Variants in PIBF1 observed in about 807,000 individuals in gnomAD.
PIBF1 encodes the protein progesterone-induced-blocking factor 1.
PIBF1 carries 90 observed loss-of-function variants against 112.5 expected under a neutral mutation model. That is an observed-to-expected ratio of 0.80 (90% CI 0.67 to 0.95). The LOEUF is 0.95. PIBF1 is among the 40% of genes least tolerant of loss of function. The probability of loss-of-function intolerance (pLI) is 0.00; values close to 1 mark genes in which losing one functional copy is unlikely to be tolerated. For synonymous variants in PIBF1, 301 were observed against 288.6 expected (o/e 1.04, Z -0.44); for missense variants, 915 against 852.3 (o/e 1.07, Z -0.92).
intron 9 of PIBF1, among the ~76,000 whole-genome samples, chr13:72,848,827 G>A (rs9564926): frequency 0.28 from 41,204 of 146,208 alleles, 6,738 homozygotes; most frequent in East Asian, 0.47. Context: ...GTGAGACTCC[G>A]TCTCAAAAAA....
rs71099767 is a variant in PIBF1, at chr13:72,904,433, CTTTTTTT to C, written c.1489-4079_1489-4073del. Among the ~76,000 whole-genome samples the C allele has an allele frequency of 8.7e-3, 317 of 36,560 alleles. 5 individuals carry two copies. Among genetic ancestry groups the C allele is most frequent in the African/African-American group, 0.033 (291 of 8,924 alleles). The allele number at this position is 36,560 out of a possible 152,430, so 24.0% of individuals were successfully genotyped here. On this transcript the variant is annotated intron_variant, in intron 11 of 17. Coordinates refer to ENST00000326291, the MANE Select transcript of PIBF1 (RefSeq NM_006346.4). ...ATTTATCCAAAATATCAAAATATTT[CTTTTTTT>C]TTTTTTTTTTTTTTTTTTGAGGAGG...
intron 11 of PIBF1, among the ~76,000 whole-genome samples, chr13:72,902,006 A>ATGTGTGTATGTGTGTGTGTGTG (rs2040507890): frequency 6.8e-6 from 1 of 147,826 alleles, no homozygotes; most frequent in African/African-American, 2.5e-5. Flanking sequence ...GTGTATGTAT[A>ATGTGTGTATGTGTGTGTGTGTG]TGTGTGTGTG....
chr13:73,013,749 A>AG (rs1417338449), intron 17 of PIBF1, among the ~76,000 whole-genome samples: 15 of 128,548 alleles, frequency 1.2e-4, no homozygotes, highest in South Asian at 9.1e-4. Flanking sequence ...AAAAAAAAAA[A>AG]AAAAGAAAAA....
intron 10 of PIBF1, among the ~76,000 whole-genome samples, chr13:72,855,655 A>C (rs890043286): frequency 6.6e-6 from 1 of 152,112 alleles, no homozygotes; most frequent in African/African-American, 2.4e-5. Context: ...TCTCAAAAAA[A>C]ATTTTTTTAG....
chr13:72,984,672 T>G (rs2043231422), intron 16 of PIBF1, among the ~76,000 whole-genome samples: 1 of 152,302 alleles, frequency 6.6e-6, no homozygotes, highest in South Asian at 2.1e-4. Flanking sequence ...TTGTACTCTC[T>G]GGACCACTGT....
In PIBF1 at chr13:72,801,985, T is replaced by C. The variant is rs529991787; in HGVS notation, c.672+3959T>C. Among the ~76,000 whole-genome samples, 10 of 141,448 alleles carry C rather than the reference T, an allele frequency of 7.1e-5. No homozygotes were observed. The South Asian group carries it at 2.4e-3, about 34-fold the overall frequency. The allele number at this position is 141,448 out of a possible 152,430, so 92.8% of individuals were successfully genotyped here. On this transcript the variant is annotated intron_variant, in intron 5 of 17. Coordinates refer to ENST00000326291, the MANE Select transcript of PIBF1 (RefSeq NM_006346.4). Reference sequence around the variant, plus strand: ...CCATAATACAGTACAGTTATGTAAATGTATTTTCTTAGGATTTTTAAAAAA... The same window carrying C: ...CCATAATACAGTACAGTTATGTAAACGTATTTTCTTAGGATTTTTAAAAAA...
At chr13:72,873,853 C>T (rs138240014) in intron 10 of PIBF1, among the ~76,000 whole-genome samples, 11 of 152,148 alleles carry the variant, frequency 7.2e-5, no homozygotes, top group African/African-American at 2.6e-4. Context: ...AACCACATAT[C>T]TAATAAAGGG....
chr13:73,007,157 A>G (rs966439021), intron 17 of PIBF1, among the ~76,000 whole-genome samples: 3 of 151,980 alleles, frequency 2.0e-5, no homozygotes, highest in Non-Finnish European at 4.4e-5. Flanking sequence ...CCTGAAGCAG[A>G]ATGTCAAATT....
intron 8 of PIBF1, among the ~76,000 whole-genome samples, chr13:72,833,647 G>C (rs2138195711): frequency 6.6e-6 from 1 of 152,336 alleles, no homozygotes; most frequent in African/African-American, 2.4e-5. Flanking sequence ...GCACCTGCCA[G>C]ATGCCAACCA....
chr13:72,883,941 CACAT>C (rs1048198339), intron 10 of PIBF1, among the ~76,000 whole-genome samples: 2 of 151,918 alleles, frequency 1.3e-5, no homozygotes, highest in African/African-American at 4.8e-5. Context: ...TATACGTACA[CACAT>C]ACATACATAC....
chr13:72,843,127 A>G (rs1162041521), intron 9 of PIBF1, among the ~76,000 whole-genome samples: 2 of 152,202 alleles, frequency 1.3e-5, no homozygotes, highest in East Asian at 3.8e-4. Flanking sequence ...CAGAGGTTTT[A>G]TAGTAGGAAA....
intron 16 of PIBF1, among the ~76,000 whole-genome samples, chr13:72,996,457 T>C (rs17089866): frequency 0.076 from 11,576 of 152,190 alleles, 1,382 homozygotes; most frequent in African/African-American, 0.26. Context: ...AGAATAGATG[T>C]GTCGTTTGCT....
chr13:73,009,813 T>TA (rs2044140465), intron 17 of PIBF1, among the ~76,000 whole-genome samples: 3 of 152,168 alleles, frequency 2.0e-5, no homozygotes, highest in Non-Finnish European at 4.4e-5. Flanking sequence ...TCTGTCTCAT[T>TA]AACAGGAGGA....
intron 10 of PIBF1, among the ~76,000 whole-genome samples, chr13:72,868,853 A>G (rs1307601067): frequency 7.2e-6 from 1 of 139,192 alleles, no homozygotes; most frequent in Non-Finnish European, 1.6e-5. Flanking sequence ...AAAAAAAAAG[A>G]TGAAACTACT....
At chr13:72,840,524 C>CTTTT (rs575826319) in intron 9 of PIBF1, among the ~76,000 whole-genome samples, 2 of 136,152 alleles carry the variant, frequency 1.5e-5, no homozygotes, top group African/African-American at 2.7e-5. Context: ...CCCCAATAAA[C>CTTTT]TTTTTTTTTT....
intron 14 of PIBF1, among the ~76,000 whole-genome samples, chr13:72,955,699 A>G (rs2042426924): frequency 6.6e-6 from 1 of 152,194 alleles, no homozygotes; most frequent in African/African-American, 2.4e-5. Flanking sequence ...TTGAAGGAGA[A>G]AGAAGTTGCA....
intron 14 of PIBF1, among the ~76,000 whole-genome samples, chr13:72,935,388 T>C (rs2041839076): frequency 6.6e-6 from 1 of 152,200 alleles, no homozygotes; most frequent in African/African-American, 2.4e-5. Context: ...GTAGTTCATT[T>C]TTTTCATTAC....
chr13:73,001,325 T>G (rs2043859310), intron 17 of PIBF1, among the ~76,000 whole-genome samples: 1 of 152,216 alleles, frequency 6.6e-6, no homozygotes. Flanking sequence ...CACGCTAATA[T>G]TTGAAGTAAG....
intron 10 of PIBF1, among the ~76,000 whole-genome samples, chr13:72,891,079 A>G (rs2040037172): frequency 6.6e-6 from 1 of 152,096 alleles, no homozygotes; most frequent in South Asian, 2.1e-4. Context: ...AATTTTCTGT[A>G]TTCTACATGT....
Sources: gnomAD v4.1 joint callset for allele counts (sites outside exome capture counted in the v4.1 genomes callset) on GRCh38, gnomAD v4.1.1 for gene constraint, MANE v1.5 for transcripts, NCBI Gene and HGNC (gene_info 2026-07-23, HGNC 2026-07-21) for gene names.